Variants in PTPRK observed in about 807,000 individuals in gnomAD.
PTPRK encodes the protein receptor-type tyrosine-protein phosphatase kappa.
A neutral mutation model predicts 178.0 loss-of-function variants in PTPRK; 75 were observed. That is an observed-to-expected ratio of 0.42 (90% confidence interval 0.35 to 0.51). The LOEUF is 0.51. Among genes scored for constraint, PTPRK ranks in the 20% least tolerant of loss-of-function variants. The pLI, the probability that PTPRK is intolerant of heterozygous loss-of-function variation, is 0.02. For synonymous variants in PTPRK, 637 were observed against 620.6 expected, an observed-to-expected ratio of 1.03 and a Z score of -0.39; for missense variants, 1,441 against 1,797.8, an observed-to-expected ratio of 0.80 and a Z score of 3.59.
intron 3 of PTPRK, among the ~76,000 whole-genome samples, chr6:128,248,463 G>A (rs57797601): frequency 0.07 from 10,675 of 151,902 alleles, 1,029 homozygotes; most frequent in African/African-American, 0.22. Flanking sequence ...AGGACAGAGG[G>A]AAATGAAAAA....
At chr6:128,406,527 C>T (rs188179164) in intron 1 of PTPRK, among the ~76,000 whole-genome samples, 1 of 152,152 alleles carries the variant, frequency 6.6e-6, no homozygotes, top group East Asian at 1.9e-4. Context: ...TTAACCAGTT[C>T]TTCTCATTCT....
At chr6:128,061,341 ACAGACTG>A (rs1780783866) in intron 13 of PTPRK, among the ~76,000 whole-genome samples, 1 of 152,200 alleles carries the variant, frequency 6.6e-6, no homozygotes, top group South Asian at 2.1e-4. Flanking sequence ...AAAAAAAGCA[ACAGACTG>A]TTGCATATGG....
chr6:128,384,699 G>C (rs1190698798), intron 2 of PTPRK, among the ~76,000 whole-genome samples: 1 of 151,980 alleles, frequency 6.6e-6, no homozygotes, highest in East Asian at 1.9e-4. Context: ...TGAATTTAAA[G>C]AAATACATTG....
chr6:128,447,628 C>CTT (rs35289749), intron 1 of PTPRK, among the ~76,000 whole-genome samples: 6,604 of 138,524 alleles, frequency 0.048, 239 homozygotes, highest in African/African-American at 0.11. Flanking sequence ...AAAACCGTGC[C>CTT]TTTTTTTTTT....
chr6:128,091,025 G>A (rs1277269659), intron 7 of PTPRK, among the ~76,000 whole-genome samples: 1 of 152,056 alleles, frequency 6.6e-6, no homozygotes, highest in Non-Finnish European at 1.5e-5. Context: ...TAAAATCACA[G>A]TTCTGTAAAA....
chr6:128,013,809 G>C (rs1265993237), intron 13 of PTPRK, among the ~76,000 whole-genome samples: 3 of 151,412 alleles, frequency 2.0e-5, no homozygotes, highest in African/African-American at 7.3e-5. Context: ...TATCCTCTCA[G>C]GCAGATCACA....
Position 128,113,549 on chromosome 6 carries a change from GTAT to G in PTPRK, c.1163-23560_1163-23558del, listed in dbSNP as rs527270035. On this transcript the variant is annotated intron_variant, in intron 7 of 29. Coordinates refer to ENST00000368226, the MANE Select transcript of PTPRK (RefSeq NM_002844.4). ...TTTACATACCATTTACATTTTATAA[GTAT>G]TATAAATAATGTGGAGAAAATTTAA... Among the ~76,000 whole-genome samples the G allele has an allele frequency of 4.8e-3, 728 of 151,908 alleles. 13 individuals are homozygous for G. The highest frequency in any genetic ancestry group is 8.3e-3 in the Non-Finnish European group (565 of 67,924).
chr6:128,062,446 T>C (rs552959051), intron 13 of PTPRK: 1 of 166,946 alleles, frequency 6.0e-6, no homozygotes, highest in South Asian at 2.1e-4. Flanking sequence ...GAGAAGAAAA[T>C]ATATTAGACC....
At chr6:128,199,186 T>C (rs1189301628) in intron 6 of PTPRK, among the ~76,000 whole-genome samples, 2 of 152,180 alleles carry the variant, frequency 1.3e-5, no homozygotes, top group East Asian at 1.9e-4. Context: ...AATACTGCTA[T>C]TGTAAATAGC....
intron 2 of PTPRK, among the ~76,000 whole-genome samples, chr6:128,377,417 T>G (rs539208168): frequency 6.6e-6 from 1 of 152,068 alleles, no homozygotes; most frequent in Non-Finnish European, 1.5e-5. Context: ...GGGAAAGACC[T>G]ACTCCCTTGA....
chr6:128,098,253 T>G (rs1025168477), intron 7 of PTPRK, among the ~76,000 whole-genome samples: 2 of 152,186 alleles, frequency 1.3e-5, no homozygotes, highest in Non-Finnish European at 2.9e-5. Context: ...TTCTTCTTGT[T>G]GTCACACTGT....
At chr6:128,108,965 ACT>A (rs1190621711) in intron 7 of PTPRK, among the ~76,000 whole-genome samples, 1 of 152,024 alleles carries the variant, frequency 6.6e-6, no homozygotes, top group African/African-American at 2.4e-5. Flanking sequence ...GTTTCCCCAA[ACT>A]CTGACCTCCA....
At chr6:128,282,166 C>T (rs2128302953) in intron 3 of PTPRK, among the ~76,000 whole-genome samples, 1 of 152,260 alleles carries the variant, frequency 6.6e-6, no homozygotes, top group East Asian at 1.9e-4. Context: ...GAGTGAAGCT[C>T]CCTCCCTAAA....
chr6:128,094,010 A>G (rs1367453012), intron 7 of PTPRK, among the ~76,000 whole-genome samples: 6 of 152,232 alleles, frequency 3.9e-5, no homozygotes, highest in Non-Finnish European at 8.8e-5. Flanking sequence ...GGATAGAAGC[A>G]AGATCTTTAG....
intron 2 of PTPRK, among the ~76,000 whole-genome samples, chr6:128,347,829 A>G (rs1723488344): frequency 6.6e-6 from 1 of 152,080 alleles, no homozygotes; most frequent in African/African-American, 2.4e-5. Flanking sequence ...TATTTATAAC[A>G]CTCCGATCTC....
At chr6:128,489,904 C>T (rs1853519971) in intron 1 of PTPRK, among the ~76,000 whole-genome samples, 1 of 152,120 alleles carries the variant, frequency 6.6e-6, no homozygotes, top group South Asian at 2.1e-4. Flanking sequence ...ACTTACTCAC[C>T]CTCGATGGTC....
At chr6:128,141,591 TA>T (rs914535768) in intron 7 of PTPRK, among the ~76,000 whole-genome samples, 30 of 148,702 alleles carry the variant, frequency 2.0e-4, no homozygotes, top group East Asian at 9.8e-4. Flanking sequence ...AAAAGCAATA[TA>T]AAAAAAAAAT....
chr6:128,171,157 C>T (rs1038420694), intron 7 of PTPRK, among the ~76,000 whole-genome samples: 2 of 151,918 alleles, frequency 1.3e-5, no homozygotes, highest in African/African-American at 4.8e-5. Flanking sequence ...AGAAGAAACA[C>T]TTCAAGTAAA....
rs71028114 is a variant in PTPRK at position 128,178,656 on chromosome 6, CATCTATCT to C, written c.1162+5768_1162+5775del. Among the ~76,000 whole-genome samples, 1,345 of 146,092 alleles carry C rather than the reference CATCTATCT, an allele frequency of 9.2e-3. 15 individuals carry two copies. The highest frequency in any genetic ancestry group is 0.026 in the African/African-American group (1,003 of 39,308). On this transcript the variant is annotated intron_variant, in intron 7 of 29. Transcript: ENST00000368226. ...AATGAGAAAGATGCTGTAGAGAAGACATCTATCTATCTATCTATCTATCTATCTATCTA... is the reference window on the plus strand; with the variant it reads ...AATGAGAAAGATGCTGTAGAGAAGACATCTATCTATCTATCTATCTATCTA...
Sources: gnomAD v4.1 joint callset for allele counts (sites outside exome capture counted in the v4.1 genomes callset) on GRCh38, gnomAD v4.1.1 for gene constraint, MANE v1.5 for transcripts, NCBI Gene and HGNC (gene_info 2026-07-23, HGNC 2026-07-21) for gene names.